The following KCNU1 variants were observed in gnomAD, a reference collection of about 807,000 sequenced individuals.
KCNU1 encodes potassium calcium-activated channel subfamily U member 1.
A neutral mutation model predicts 126.8 loss-of-function variants in KCNU1; 93 were observed. The observed-to-expected ratio is 0.73, with a 90% CI of 0.62 to 0.87. The LOEUF is 0.87. Among genes scored for constraint, KCNU1 ranks in the 40% least tolerant of loss-of-function variants. KCNU1 has a pLI of 0.00. For synonymous variants in KCNU1, 523 were observed against 494.2 expected, an observed-to-expected ratio of 1.06 and a Z score of -0.77; for missense variants, 1,330 against 1,367.1, an observed-to-expected ratio of 0.97 and a Z score of 0.43.
intron 10 of KCNU1, among the ~76,000 whole-genome samples, chr8:36,833,321 T>C (rs1281657483): frequency 6.6e-6 from 1 of 152,186 alleles, no homozygotes; most frequent in Non-Finnish European, 1.5e-5. Context: ...ATTAAATGCA[T>C]AGTTGATTTA....
intron 10 of KCNU1, among the ~76,000 whole-genome samples, chr8:36,831,585 T>C (rs573827251): frequency 0.01 from 1,496 of 148,868 alleles, 7 homozygotes; most frequent in African/African-American, 0.02. Context: ...TCATGTCCTT[T>C]GCCCACTTTT....
chr8:36,789,604 T>G (rs1410557545), intron 2 of KCNU1, among the ~76,000 whole-genome samples: 1 of 152,046 alleles, frequency 6.6e-6, no homozygotes, highest in East Asian at 1.9e-4. Flanking sequence ...TAAATTCTAG[T>G]GGGGGTAGAT....
intron 19 of KCNU1, among the ~76,000 whole-genome samples, chr8:36,902,186 T>C (rs1262375815): frequency 1.3e-5 from 2 of 152,152 alleles, no homozygotes; most frequent in Non-Finnish European, 2.9e-5. Flanking sequence ...AATATCGGTC[T>C]CCAACAGGTG....
At position 36,905,815 on chromosome 8, in the gene KCNU1, T is replaced by A. The variant is rs771527617; in HGVS notation, c.2106+11T>A. The A allele has an allele frequency of 4.5e-6, 6 of 1,326,196 alleles. No individual in the cohort carries two copies. The highest frequency in any genetic ancestry group is 3.8e-4 in the Middle Eastern group (2 of 5,302). 82.2% of individuals were successfully genotyped at this position (1,326,196 alleles called of 1,614,324 possible). A position where few individuals can be genotyped will look rare whatever the true frequency, so the allele number is the denominator to read the frequency against. On this transcript the variant is annotated intron_variant, in intron 20 of 26. Transcript: ENST00000399881. ...GACAAGGTGACTCTGGTAGGTGATC[T>A]TGCATCATCAAATCTCAAATAAGAT...
In KCNU1 at chr8:36,845,904, T is replaced by C. The variant is rs1047018162; in HGVS notation, c.1891+5T>C. ...GAAGCCGGCAGCACATCACAGGTAATTGCACTTTATTTCTGGCTGTCCTTA... is the reference window on the plus strand; with the variant it reads ...GAAGCCGGCAGCACATCACAGGTAACTGCACTTTATTTCTGGCTGTCCTTA... On this transcript the variant is annotated splice_donor_5th_base_variant and intron_variant, in intron 18 of 26. Coordinates refer to ENST00000399881, the MANE Select transcript of KCNU1 (RefSeq NM_001031836.3). The C allele has an allele frequency of 2.6e-6, 4 of 1,557,312 alleles. No homozygotes were observed. The highest frequency in any genetic ancestry group is 2.6e-6 in the Non-Finnish European group (3 of 1,138,420).
At chr8:36,795,911 C>T (rs1394652837) in intron 2 of KCNU1, 8 of 152,230 alleles carry the variant, frequency 5.3e-5, no homozygotes, top group African/African-American at 9.7e-5. Flanking sequence ...AGGACAGCAC[C>T]ACAAGCCCAG....
At chr8:36,787,617 T>A (rs1438047773) in intron 2 of KCNU1, among the ~76,000 whole-genome samples, 192 bp downstream of exon 2, 4 of 150,782 alleles carry the variant, frequency 2.7e-5, no homozygotes, top group African/African-American at 9.7e-5. Context: ...TTTGTTTATC[T>A]CTGGAATGAA....
At position 36,814,255 on chromosome 8, in the gene KCNU1, A is replaced by G; in HGVS notation, c.781A>G (p.Ile261Val). ...PWLKGRNSQN[I>V]SYFESIYLVM... ...GCTCAAAGGTAGAAATTCACAGAAT[A>G]TATCATATTTTGAGTCAATTTACCT... The change falls in exon 8 of 27, where the codon ATA becomes GTA. Residue 261 changes from isoleucine (I) to valine (V), a missense_variant. This residue lies in a region of KCNU1 where 29 missense variants were observed against 57.8 expected (regional missense o/e 0.50). Transcript: ENST00000399881. 1 of 1,613,386 alleles carries G rather than the reference A, an allele frequency of 6.2e-7. No individual in the cohort carries two copies. Among genetic ancestry groups the G allele is most frequent in the East Asian group, 2.2e-5 (1 of 44,790 alleles).
At position 36,806,369 on chromosome 8, in the gene KCNU1, G is replaced by A. The variant is rs1803503073; in HGVS notation, c.569G>A (p.Ser190Asn). ...ACCTTTATTTCTTATTATTTGAAGA[G>A]CAATTGGCTAGGTAAGTGTGCTCTG... ...PPTFISYYLK[S>N]NWLGLRFLRA... Residue 190 changes from serine to asparagine, a missense_variant, in exon 5 of 27, where the codon AGC becomes AAC. Coordinates refer to ENST00000399881, the MANE Select transcript of KCNU1 (RefSeq NM_001031836.3). 6 of 1,589,262 alleles carry A rather than the reference G, an allele frequency of 3.8e-6. No homozygotes were observed. The highest frequency in any genetic ancestry group is 1.1e-5 in the South Asian group (1 of 89,362).
intron 19 of KCNU1, among the ~76,000 whole-genome samples, chr8:36,879,395 G>A (rs1350022548): frequency 6.6e-6 from 1 of 151,792 alleles, no homozygotes. Context: ...ATCTAACCTT[G>A]AGAAATGTAT....
At chr8:36,862,449 T>G (rs1022009337) in intron 18 of KCNU1, among the ~76,000 whole-genome samples, 1 of 152,114 alleles carries the variant, frequency 6.6e-6, no homozygotes, top group African/African-American at 2.4e-5. Context: ...AATTATAGAA[T>G]TTAGACCTGG....
At chr8:36,794,877 T>G (rs1439931008) in intron 2 of KCNU1, among the ~76,000 whole-genome samples, 2 of 151,964 alleles carry the variant, frequency 1.3e-5, no homozygotes, top group Admixed American at 1.3e-4. Flanking sequence ...TGCAGGGAGC[T>G]GAGATTGCAC....
rs113395119 is a variant in KCNU1, at chr8:36,853,380, A to G, written c.1891+7481A>G. Among the ~76,000 whole-genome samples, 327 of 152,320 alleles carry G rather than the reference A, an allele frequency of 2.1e-3. 12 individuals carry two copies. Among genetic ancestry groups the G allele is most frequent in the African/African-American group, 7.5e-3 (311 of 41,588 alleles). On this transcript the variant is annotated intron_variant, in intron 18 of 26. Coordinates refer to ENST00000399881, the MANE Select transcript of KCNU1 (RefSeq NM_001031836.3). ...TAAATAAATAAATAAGTAGGCATTT[A>G]TATCTAAAAATTTCCCTCTAAGCAC...
intron 19 of KCNU1, among the ~76,000 whole-genome samples, chr8:36,879,576 G>C (rs1431137322): frequency 6.6e-6 from 1 of 152,106 alleles, no homozygotes; most frequent in South Asian, 2.1e-4. Flanking sequence ...TATTGTGCTA[G>C]AGATCAGAAA....
chr8:36,868,422 T>G (rs1164844744), intron 19 of KCNU1, among the ~76,000 whole-genome samples: 1 of 152,278 alleles, frequency 6.6e-6, no homozygotes, highest in African/African-American at 2.4e-5. Context: ...GTGATCCATT[T>G]TTTTTATGCC....
intron 19 of KCNU1, among the ~76,000 whole-genome samples, chr8:36,899,316 T>C (rs1807324282): frequency 1.3e-5 from 2 of 152,048 alleles, no homozygotes; most frequent in African/African-American, 2.4e-5. Flanking sequence ...GTGGAGATTT[T>C]AGATTGTAAA....
At chr8:36,813,895 A>C (rs1275677353) in intron 7 of KCNU1, among the ~76,000 whole-genome samples, 1 of 152,118 alleles carries the variant, frequency 6.6e-6, no homozygotes, top group Non-Finnish European at 1.5e-5. Flanking sequence ...TCCAGGATGC[A>C]ATGCTTGTGC....
At chr8:36,896,248 C>T (rs911744155) in intron 19 of KCNU1, among the ~76,000 whole-genome samples, 1 of 151,930 alleles carries the variant, frequency 6.6e-6, no homozygotes, top group Non-Finnish European at 1.5e-5. Flanking sequence ...GATTTAGCCT[C>T]TTGGCCTGAA....
chr8:36,836,420 G>T, intron 13 of KCNU1, 55 bp downstream of exon 13: 2 of 1,231,140 alleles, frequency 1.6e-6, no homozygotes, highest in South Asian at 1.3e-5. Context: ...ATAGCTAGAC[G>T]AACTTTTTAA....
Sources: gnomAD v4.1 joint callset for allele counts (sites outside exome capture counted in the v4.1 genomes callset) on GRCh38, gnomAD v4.1.1 for gene constraint, gnomAD v4.1.1 regional missense constraint, MANE v1.5 for transcripts, NCBI Gene and HGNC (gene_info 2026-07-23, HGNC 2026-07-21) for gene names.